Variants in HABP4 observed in about 807,000 individuals in gnomAD.
HABP4 encodes intracellular hyaluronan-binding protein 4.
In HABP4, 32 loss-of-function variants were observed where a neutral mutation model predicts 44.1. That is an observed-to-expected ratio of 0.73 (90% confidence interval 0.55 to 0.97). The LOEUF (loss-of-function observed/expected upper bound fraction) is 0.97. Among genes scored for constraint, HABP4 ranks in the 50% least tolerant of loss-of-function variants. HABP4 has a pLI of 0.00. For missense variants in HABP4, 503 were observed against 561.9 expected, an observed-to-expected ratio of 0.90 and a Z score of 1.06; for synonymous variants, 216 against 218.0, an observed-to-expected ratio of 0.99 and a Z score of 0.08.
chr9:96,456,778 AAAATATATATATATATATATATATATAT>A (rs1288922702), intron 1 of HABP4, among the ~76,000 whole-genome samples: 3 of 53,226 alleles, frequency 5.6e-5, no homozygotes, highest in South Asian at 1.4e-3. Context: ...AAAAAAAAAA[AAAATATATATATATATATATATATATAT>A]ATATATATAT....
chr9:96,462,816 G>A (rs73538782), intron 2 of HABP4, among the ~76,000 whole-genome samples: 3,669 of 151,880 alleles, frequency 0.024, 155 homozygotes, highest in African/African-American at 0.085. Flanking sequence ...CAGCTGCTTG[G>A]GGGACTGACA....
chr9:96,480,838 A>G lies in HABP4; in HGVS notation c.828-3624A>G, dbSNP rs556751259. 1.1e-4 allele frequency among the ~76,000 whole-genome samples: 17 copies of G among 152,324 alleles called. No individual in the cohort carries two copies. In the South Asian group the frequency reaches 2.5e-3, roughly 22 times the overall value. On this transcript the variant is annotated intron_variant, in intron 5 of 7. Coordinates refer to ENST00000375249, the MANE Select transcript of HABP4 (RefSeq NM_014282.4). ...TCCTGTCGAATACAGAACATTACCA[A>G]TCACGCCAGAAAGTTCTTTCATATT... is the stretch of plus-strand genomic sequence containing the variant.
intron 5 of HABP4, among the ~76,000 whole-genome samples, chr9:96,478,556 C>T (rs34338047): frequency 0.025 from 3,875 of 152,238 alleles, 73 homozygotes; most frequent in Middle Eastern, 0.051. Context: ...AGCTGCTGAA[C>T]TCTTTTCCAA....
chr9:96,483,271 T>TA (rs1832910509), intron 5 of HABP4: 1 of 152,256 alleles, frequency 6.6e-6, no homozygotes, highest in African/African-American at 2.4e-5. Context: ...CCTATTTGTA[T>TA]ATCTTCTCTG....
At chr9:96,478,244 T>G (rs970169006) in intron 5 of HABP4, among the ~76,000 whole-genome samples, 9 of 151,974 alleles carry the variant, frequency 5.9e-5, no homozygotes, top group Non-Finnish European at 1.5e-5. Flanking sequence ...GCGATTCTCT[T>G]GCCTCAGCCT....
At chr9:96,472,568 C>T (rs558334715) in intron 5 of HABP4, among the ~76,000 whole-genome samples, 113 of 152,314 alleles carry the variant, frequency 7.4e-4, no homozygotes, top group Middle Eastern at 3.4e-3. Context: ...GCCATCCCCC[C>T]CGACCTCTTC....
intron 1 of HABP4, among the ~76,000 whole-genome samples, chr9:96,451,040 G>T (rs1042678298): frequency 2.0e-5 from 3 of 152,080 alleles, no homozygotes; most frequent in Admixed American, 2.0e-4. Flanking sequence ...AGCGCGGTGG[G>T]GAGGAGGAGG....
At chr9:96,464,309 C>T (rs577055904) in intron 2 of HABP4, among the ~76,000 whole-genome samples, 2 of 152,050 alleles carry the variant, frequency 1.3e-5, no homozygotes, top group African/African-American at 2.4e-5. Context: ...GGGGGCCAGG[C>T]GGATGTGGCA....
intron 6 of HABP4, among the ~76,000 whole-genome samples, chr9:96,485,279 G>A (rs1056745527): frequency 1.3e-5 from 2 of 152,164 alleles, no homozygotes; most frequent in African/African-American, 4.8e-5. Flanking sequence ...TTGAACTCCC[G>A]ACCTCAGGTG....
intron 5 of HABP4, among the ~76,000 whole-genome samples, chr9:96,477,990 G>A (rs1035263084): frequency 2.6e-5 from 4 of 152,100 alleles, no homozygotes; most frequent in Non-Finnish European, 4.4e-5. Flanking sequence ...TTCTTTCTCC[G>A]AGCATACTTA....
intron 5 of HABP4, among the ~76,000 whole-genome samples, chr9:96,477,439 A>G (rs1240262553): frequency 6.6e-6 from 1 of 152,144 alleles, no homozygotes; most frequent in Non-Finnish European, 1.5e-5. Context: ...TATTTCTACC[A>G]ACTTCTGCCT....
chr9:96,477,582 C>G (rs1322306340), intron 5 of HABP4, among the ~76,000 whole-genome samples: 1 of 152,114 alleles, frequency 6.6e-6, no homozygotes, highest in African/African-American at 2.4e-5. Flanking sequence ...AATTCCAAGA[C>G]ACTTCTTCAG....
Position 96,450,225 on chromosome 9 carries a change from C to T in HABP4, c.-55C>T, listed in dbSNP as rs1587764826. On this transcript the variant is annotated 5_prime_UTR_variant, in exon 1 of 8. Transcript: ENST00000375249. This position sits in a 1 kb window ranked among gnomAD's most constrained non-coding sequence, Gnocchi z 4.8. Reference sequence around the variant, plus strand: ...CGGCATGGGTCCTGGCCGCCGGCTTCGCTGAGACGCGCTCGCGTGGGCTGC... The same window carrying T: ...CGGCATGGGTCCTGGCCGCCGGCTTTGCTGAGACGCGCTCGCGTGGGCTGC... 3 of 1,296,792 alleles carry T rather than the reference C, an allele frequency of 2.3e-6. No individual in the cohort carries two copies. Among genetic ancestry groups the T allele is most frequent in the South Asian group, 2.0e-5 (1 of 50,298 alleles). The allele number at this position is 1,296,792 out of a possible 1,614,324, so 80.3% of individuals were successfully genotyped here. A position where few individuals can be genotyped will look rare whatever the true frequency, so the allele number is the denominator to read the frequency against.
intron 2 of HABP4, 62 bp downstream of exon 2, chr9:96,458,603 CTTTCTT>C: frequency 1.0e-6 from 1 of 986,778 alleles, no homozygotes; most frequent in Non-Finnish European, 1.5e-6. Flanking sequence ...GAAAATGCTA[CTTTCTT>C]TTTCTTTTCT....
rs1288746390 is a variant in HABP4 at position 96,488,194 on chromosome 9, C to T, written c.1105C>T (p.Arg369Cys). The change falls in exon 7 of 8, where the codon CGT becomes TGT. Residue 369 changes from arginine to cysteine, a missense_variant. Coordinates refer to ENST00000375249, the MANE Select transcript of HABP4 (RefSeq NM_014282.4). This position sits in a 1 kb window ranked among gnomAD's most constrained non-coding sequence, Gnocchi z 4.6. ...INFGNLPRPG[R>C]GARGGTRGGR... ...TTTTGGTAACCTCCCTCGTCCTGGGCGTGGAGCCAGAGGAGGCACCCGGGG... is the reference window on the plus strand; with the variant it reads ...TTTTGGTAACCTCCCTCGTCCTGGGTGTGGAGCCAGAGGAGGCACCCGGGG... 19 of 1,613,294 alleles carry T rather than the reference C, an allele frequency of 1.2e-5. No individual in the cohort carries two copies. The highest frequency in any genetic ancestry group is 1.7e-5 in the Admixed American group (1 of 60,006).
At chr9:96,452,901 A>G (rs942194236) in intron 1 of HABP4, among the ~76,000 whole-genome samples, 2 of 130,164 alleles carry the variant, frequency 1.5e-5, no homozygotes, top group Admixed American at 7.8e-5. Flanking sequence ...AGCTTTTCCT[A>G]TGGAAAAGGG....
In HABP4 at chr9:96,450,516, G is replaced by T; in HGVS notation, c.237G>T (p.Ser79=). 1 of 1,219,304 alleles carries T rather than the reference G, an allele frequency of 8.2e-7. No homozygotes were observed. The allele number at this position is 1,219,304 out of a possible 1,614,324, so 75.5% of individuals were successfully genotyped here. Residue 79 remains serine (S), a synonymous_variant, in exon 1 of 8, where the codon TCG becomes TCT. Transcript: ENST00000375249. This position sits in a 1 kb window ranked among gnomAD's most constrained non-coding sequence, Gnocchi z 4.8. ...PRGGRSPAGA[S]GHRAGAGGRR... is the part of the protein sequence containing the mutation. ...GCGGCAGGAGCCCAGCCGGGGCCTC[G>T]GGCCACAGAGCCGGCGCGGGCGGCC...
intron 2 of HABP4, among the ~76,000 whole-genome samples, chr9:96,461,054 C>G (rs1832492064): frequency 6.6e-6 from 1 of 152,156 alleles, no homozygotes; most frequent in African/African-American, 2.4e-5. Context: ...ACAGTCCTAG[C>G]AAGTAGACAT....
At chr9:96,463,845 A>G (rs1321107726) in intron 2 of HABP4, among the ~76,000 whole-genome samples, 3 of 152,210 alleles carry the variant, frequency 2.0e-5, no homozygotes, top group Non-Finnish European at 4.4e-5. Context: ...ACATACCTCT[A>G]CTGCTGGTGT....
Sources: gnomAD v4.1 joint callset for allele counts (sites outside exome capture counted in the v4.1 genomes callset) on GRCh38, gnomAD v4.1.1 for gene constraint, Gnocchi (gnomAD v3.1) non-coding constraint, MANE v1.5 for transcripts, NCBI Gene and HGNC (gene_info 2026-07-23, HGNC 2026-07-21) for gene names.